TBC1D4: variants seen among roughly 807,000 people sequenced by gnomAD.
TBC1D4 encodes the protein TBC1 domain family member 4, also known as TBC (Tre-2, BUB2, CDC16) domain-containing protein.
A neutral mutation model predicts 142.5 loss-of-function variants in TBC1D4; 121 were observed. That is an observed-to-expected ratio of 0.85 (90% CI 0.73 to 0.99). The LOEUF (loss-of-function observed/expected upper bound fraction) is 0.99. Ranked by LOEUF, TBC1D4 falls within the 50% of genes least tolerant of loss-of-function variation. TBC1D4 has a pLI of 0.00. For synonymous variants in TBC1D4, 630 were observed against 628.2 expected (o/e 1.00, Z -0.04); for missense variants, 1,475 against 1,606.6 (o/e 0.92, Z 1.40).
intron 17 of TBC1D4, among the ~76,000 whole-genome samples, chr13:75,295,681 G>A (rs1441468500): frequency 6.6e-6 from 1 of 152,076 alleles, no homozygotes; most frequent in Non-Finnish European, 1.5e-5. Context: ...GTTGGTTATT[G>A]GCATTTCAGA....
intron 4 of TBC1D4, among the ~76,000 whole-genome samples, chr13:75,355,693 TA>T (rs1212396947): frequency 1.3e-5 from 2 of 152,110 alleles, no homozygotes; most frequent in African/African-American, 4.8e-5. Flanking sequence ...GACCACAAAG[TA>T]TATGATATTT....
rs751499017 is a variant in TBC1D4, at chr13:75,362,321, G to A, written c.785C>T (p.Ser262Phe). 1.1e-5 allele frequency: 17 copies of A among 1,614,004 alleles called. No homozygotes were observed. The highest frequency in any genetic ancestry group is 6.7e-5 in the Admixed American group (4 of 60,028). The change falls in exon 2 of 21, where the codon TCC becomes TTC. Residue 262 changes from serine (S) to phenylalanine (F), a missense_variant. Around this residue, in one of 2 missense-constraint regions of TBC1D4, gnomAD observed 1,227 missense variants for 1,267.7 expected, o/e 0.97. Transcript: ENST00000377636. This position sits in a 1 kb window ranked among gnomAD's most constrained non-coding sequence, Gnocchi z 4.2. Reference sequence around the variant, plus strand: ...CTCCTCCGGCAGGCAGTCTCCGGGGGACCCGGGCACCACCACCTCCAAGTC... The same window carrying A: ...CTCCTCCGGCAGGCAGTCTCCGGGGAACCCGGGCACCACCACCTCCAAGTC... ...LADLEVVVPG[S>F]PGDCLPEEAD...
chr13:75,472,740 G>C (rs894658609), intron 1 of TBC1D4, among the ~76,000 whole-genome samples: 2 of 152,184 alleles, frequency 1.3e-5, no homozygotes, highest in African/African-American at 4.8e-5. Flanking sequence ...GGTCTTCAAA[G>C]GGAGCAGCAG....
intron 1 of TBC1D4, among the ~76,000 whole-genome samples, chr13:75,399,224 T>C (rs1204385379): frequency 6.6e-6 from 1 of 151,294 alleles, no homozygotes; most frequent in Non-Finnish European, 1.5e-5. Flanking sequence ...TAAAAAAGAG[T>C]TGGCTGCAAA....
intron 1 of TBC1D4, among the ~76,000 whole-genome samples, chr13:75,441,108 T>C (rs1229457504): frequency 6.6e-6 from 1 of 152,018 alleles, no homozygotes; most frequent in African/African-American, 2.4e-5. Context: ...CACAAAAAAT[T>C]AGCCAGGCAT....
chr13:75,442,261 T>C (rs1887075437), intron 1 of TBC1D4, among the ~76,000 whole-genome samples: 1 of 152,210 alleles, frequency 6.6e-6, no homozygotes, highest in East Asian at 1.9e-4. Context: ...ATTAGGCTAA[T>C]AACAAAACTT....
At chr13:75,413,916 T>A (rs1206377221) in intron 1 of TBC1D4, among the ~76,000 whole-genome samples, 1 of 152,150 alleles carries the variant, frequency 6.6e-6, no homozygotes, top group Non-Finnish European at 1.5e-5. Flanking sequence ...TAGAGCAGGG[T>A]TTCTTGATTG....
intron 18 of TBC1D4, among the ~76,000 whole-genome samples, chr13:75,294,111 T>C (rs1159412853): frequency 2.0e-5 from 3 of 152,196 alleles, no homozygotes; most frequent in Non-Finnish European, 4.4e-5. Context: ...GTTGTTGTTG[T>C]TGTTTTAATT....
chr13:75,322,631 G>A (rs1363439956), intron 11 of TBC1D4, among the ~76,000 whole-genome samples: 2 of 152,134 alleles, frequency 1.3e-5, no homozygotes, highest in African/African-American at 2.4e-5. Context: ...ATTGCTAATT[G>A]TCACTTTCAG....
At chr13:75,439,473 C>T (rs574894771) in intron 1 of TBC1D4, among the ~76,000 whole-genome samples, 41 of 152,304 alleles carry the variant, frequency 2.7e-4, no homozygotes, top group African/African-American at 9.9e-4. Flanking sequence ...AATATTAAGA[C>T]TGCTATCCAG....
At chr13:75,397,074 T>C (rs1884833372) in intron 1 of TBC1D4, among the ~76,000 whole-genome samples, 2 of 151,970 alleles carry the variant, frequency 1.3e-5, no homozygotes, top group African/African-American at 4.8e-5. Context: ...AGGAAATGAA[T>C]GGATTTCACA....
rs919364362 is a variant in TBC1D4 at position 75,306,477 on chromosome 13, G to GA, written c.2594-7dup. On this transcript the variant is annotated splice_region_variant and splice_polypyrimidine_tract_variant and intron_variant, in intron 14 of 20. Coordinates refer to ENST00000377636, the MANE Select transcript of TBC1D4 (RefSeq NM_014832.5). ...CTGGAGTTCATCTCTGCTTGCTAAG[G>GA]AAAAAAACAATTTACGTAAGACCAA... 1.7e-5 allele frequency: 28 copies of GA among 1,612,120 alleles called. No individual in the cohort carries two copies. Among genetic ancestry groups the GA allele is most frequent in the African/African-American group, 4.0e-5 (3 of 74,780 alleles).
intron 1 of TBC1D4, among the ~76,000 whole-genome samples, chr13:75,463,268 C>T (rs1009421710): frequency 6.6e-6 from 1 of 152,056 alleles, no homozygotes; most frequent in East Asian, 1.9e-4. Context: ...CAAGACTGTA[C>T]TGTGGCAAAT....
intron 19 of TBC1D4, among the ~76,000 whole-genome samples, chr13:75,290,228 G>A (rs1875147872): frequency 6.6e-6 from 1 of 151,996 alleles, no homozygotes; most frequent in Admixed American, 6.6e-5. Context: ...AAGTTTCAAA[G>A]ATTATCTCTA....
intron 1 of TBC1D4, among the ~76,000 whole-genome samples, chr13:75,443,390 A>G (rs1210306664): frequency 6.6e-6 from 1 of 152,354 alleles, no homozygotes; most frequent in East Asian, 1.9e-4. Flanking sequence ...GCAAAAATTT[A>G]ATTATATCTA....
chr13:75,290,257 T>C (rs983564281), intron 19 of TBC1D4, among the ~76,000 whole-genome samples: 1 of 152,150 alleles, frequency 6.6e-6, no homozygotes, highest in Non-Finnish European at 1.5e-5. Flanking sequence ...GATTTATAGT[T>C]ACTTTTATTT....
rs760408228 is a variant in TBC1D4 at position 75,295,018 on chromosome 13, AG to A, written c.3157-6del. On this transcript the variant is annotated splice_region_variant and splice_polypyrimidine_tract_variant and intron_variant, in intron 17 of 20. Transcript: ENST00000377636. ...GGACAGCTGGTACATTTGAATCTAA[AG>A]TTAATTTGGAGAAGAAAAAAAATAT... 11 of 1,613,568 alleles carry A rather than the reference AG, an allele frequency of 6.8e-6. No individual in the cohort carries two copies. The highest frequency in any genetic ancestry group is 9.3e-6 in the Non-Finnish European group (11 of 1,179,666).
At chr13:75,315,397 T>C (rs200527112) in intron 12 of TBC1D4, among the ~76,000 whole-genome samples, 8 of 103,712 alleles carry the variant, frequency 7.7e-5, no homozygotes, top group Non-Finnish European at 1.4e-4. Flanking sequence ...CATATATATA[T>C]ACACACATAT....
chr13:75,426,480 A>G (rs1430076673), intron 1 of TBC1D4, among the ~76,000 whole-genome samples: 4 of 152,222 alleles, frequency 2.6e-5, no homozygotes, highest in African/African-American at 9.6e-5. Context: ...GTGATTCTAG[A>G]CACATCAGGA....
Sources: gnomAD v4.1 joint callset for allele counts (sites outside exome capture counted in the v4.1 genomes callset) on GRCh38, gnomAD v4.1.1 for gene constraint, gnomAD v4.1.1 regional missense constraint, Gnocchi (gnomAD v3.1) non-coding constraint, MANE v1.5 for transcripts, NCBI Gene and HGNC (gene_info 2026-07-23, HGNC 2026-07-21) for gene names.